COPG1: variants seen among roughly 807,000 people sequenced by gnomAD.
COPG1 encodes coat protein complex I subunit gamma 1.
A neutral mutation model predicts 102.8 loss-of-function variants in COPG1; 29 were observed. The ratio of observed to expected loss-of-function variants is 0.28; its 90% CI spans 0.21 to 0.38. The LOEUF (loss-of-function observed/expected upper bound fraction) is 0.38, where lower values mean the gene tolerates loss of function less well. Among genes scored for constraint, COPG1 ranks in the 10% least tolerant of loss-of-function variants. The pLI is 1.00. For missense variants in COPG1, 875 were observed against 1,132.7 expected, an observed-to-expected ratio of 0.77 and a Z score of 3.27; for synonymous variants, 406 against 421.6, an observed-to-expected ratio of 0.96 and a Z score of 0.45.
At position 129,257,614 on chromosome 3, in the gene COPG1, G is replaced by A. The variant is rs1939838440; in HGVS notation, c.724G>A (p.Glu242Lys). Reference protein sequence around the residue: ...MIRVASKQLEEEDGSRDSPLF... With the variant: ...MIRVASKQLEKEDGSRDSPLF... ...CCGGGTGGCCAGCAAGCAGCTGGAA[G>A]AGGAGGATGGCAGGTAACGGCTCTC... Residue 242 changes from glutamate (E) to lysine (K), a missense_variant, in exon 9 of 24, where the codon GAG becomes AAG. Glu to Lys is a moderately conservative substitution (Grantham distance 56, BLOSUM62 1). Transcript: ENST00000314797. 1.2e-6 allele frequency: 2 copies of A among 1,614,234 alleles called. No individual in the cohort carries two copies. Among genetic ancestry groups the A allele is most frequent in the Non-Finnish European group, 1.7e-6 (2 of 1,180,050 alleles).
rs759220825 is a variant in COPG1, at chr3:129,265,636, C to G, written c.1312C>G (p.His438Asp). The G allele has an allele frequency of 1.2e-6, 2 of 1,614,224 alleles. No individual in the cohort carries two copies. Among genetic ancestry groups the G allele is most frequent in the Non-Finnish European group, 8.5e-7 (1 of 1,180,038 alleles). Residue 438 changes from histidine (H) to aspartate (D), a missense_variant, in exon 14 of 24, where the codon CAT becomes GAT. Physicochemically the swap from His to Asp is moderately conservative, Grantham distance 81 (BLOSUM62 -1). Coordinates refer to ENST00000314797, the MANE Select transcript of COPG1 (RefSeq NM_016128.4). ...AGAGAGCAAGGAGACAGGGCTGTCACATCTGTGCGAGTTCATCGAGGACTG... is the reference window on the plus strand; with the variant it reads ...AGAGAGCAAGGAGACAGGGCTGTCAGATCTGTGCGAGTTCATCGAGGACTG... ...NSESKETGLSHLCEFIEDCEF... is the reference protein window; with the variant it reads ...NSESKETGLSDLCEFIEDCEF...
chr3:129,268,241 C>T (rs572941789), intron 16 of COPG1, among the ~76,000 whole-genome samples: 6 of 152,218 alleles, frequency 3.9e-5, no homozygotes, highest in African/African-American at 1.2e-4. Flanking sequence ...TGAATTGAAA[C>T]GCTCATCATT....
chr3:129,255,179 C>CTTT, intron 7 of COPG1, 102 bp downstream of exon 7: 4 of 610,202 alleles, frequency 6.6e-6, no homozygotes, highest in South Asian at 2.1e-5. Flanking sequence ...TTCTTTCTTT[C>CTTT]TTTTTTTTTT....
chr3:129,277,256 TCTG>T, intron 23 of COPG1, 35 bp from the exon 24 acceptor site: 1 of 1,611,382 alleles, frequency 6.2e-7, no homozygotes, highest in Non-Finnish European at 8.5e-7. Context: ...TACAGTCCCT[TCTG>T]CTGTATATAT....
intron 20 of COPG1, among the ~76,000 whole-genome samples, 157 bp downstream of exon 20, chr3:129,272,572 T>C (rs1207879126): frequency 2.0e-5 from 3 of 151,614 alleles, no homozygotes; most frequent in Non-Finnish European, 4.4e-5. Flanking sequence ...GTGCTCTTCT[T>C]TAAAAATTTT....
At position 129,274,847 on chromosome 3, in the gene COPG1, C is replaced by G; in HGVS notation, c.2266C>G (p.Leu756Val). ...ACCTCCATCTCTCCAGCTGGAAGATCTGGAAGTTACTGTAGCTGATCACAT... is the reference window on the plus strand; with the variant it reads ...ACCTCCATCTCTCCAGCTGGAAGATGTGGAAGTTACTGTAGCTGATCACAT... ...GYEDEYVLED[L>V]EVTVADHIQK... The change falls in exon 22 of 24, where the codon CTG becomes GTG. Residue 756 changes from leucine to valine, a missense_variant. By Grantham distance (32) the Leu-to-Val change is conservative. Transcript: ENST00000314797. 2 of 1,614,104 alleles carry G rather than the reference C, an allele frequency of 1.2e-6. No homozygotes were observed. Among genetic ancestry groups the G allele is most frequent in the Non-Finnish European group, 1.7e-6 (2 of 1,180,006 alleles).
At chr3:129,254,057 G>T (rs1334790250) in intron 5 of COPG1, among the ~76,000 whole-genome samples, 4 of 151,250 alleles carry the variant, frequency 2.6e-5, no homozygotes, top group Admixed American at 1.3e-4. Flanking sequence ...CCAGCAGTTT[G>T]GGAGGCCGAG....
At chr3:129,265,903 C>T in intron 14 of COPG1, 111 bp downstream of exon 14, 1 of 1,075,618 alleles carries the variant, frequency 9.3e-7, no homozygotes, top group South Asian at 1.6e-5. Flanking sequence ...GTTCTTGCTG[C>T]ACAAGCTGTT....
chr3:129,268,383 C>G, intron 16 of COPG1, 112 bp from the exon 17 acceptor site: 1 of 1,054,864 alleles, frequency 9.5e-7, no homozygotes, highest in African/African-American at 1.6e-5. Flanking sequence ...GTGATTTTCT[C>G]AGGGTCATAC....
At chr3:129,249,819 C>T (rs1939654567) in intron 1 of COPG1, 73 bp downstream of exon 1, 2 of 1,497,996 alleles carry the variant, frequency 1.3e-6, no homozygotes, top group Non-Finnish European at 1.8e-6. Context: ...GTTCTCTGTC[C>T]TGACCCGGAG....
chr3:129,256,905 G>A (rs916574726), intron 8 of COPG1, among the ~76,000 whole-genome samples: 6 of 152,264 alleles, frequency 3.9e-5, no homozygotes, highest in Non-Finnish European at 8.8e-5. Flanking sequence ...ATCGAGGACA[G>A]GAAATAACTA....
At chr3:129,270,650 G>A (rs1940165573) in intron 18 of COPG1, among the ~76,000 whole-genome samples, 1 of 152,118 alleles carries the variant, frequency 6.6e-6, no homozygotes, top group African/African-American at 2.4e-5. Flanking sequence ...AGGCTGCAGA[G>A]GGCTGAAGTG....
chr3:129,277,498 C>A lies in COPG1; in HGVS notation c.*74C>A. ...AGTTGTGCCTTCCTCATGAAACTGGCAGAAACCCCTTCCCAAGCTTCTGTA... is the reference window on the plus strand; with the variant it reads ...AGTTGTGCCTTCCTCATGAAACTGGAAGAAACCCCTTCCCAAGCTTCTGTA... On this transcript the variant is annotated 3_prime_UTR_variant, in exon 24 of 24. Transcript: ENST00000314797. The A allele has an allele frequency of 6.8e-7, 1 of 1,479,060 alleles. No homozygotes were observed. Among genetic ancestry groups the A allele is most frequent in the South Asian group, 1.2e-5 (1 of 84,502 alleles). 91.6% of individuals were successfully genotyped at this position (1,479,060 alleles called of 1,614,324 possible). A position where few individuals can be genotyped will look rare whatever the true frequency, so the allele number is the denominator to read the frequency against.
In COPG1 at chr3:129,277,599, G is replaced by A; in HGVS notation, c.*175G>A. 5.3e-6 allele frequency: 2 copies of A among 375,076 alleles called. No individual in the cohort carries two copies. The highest frequency in any genetic ancestry group is 9.0e-6 in the Non-Finnish European group (2 of 222,388). The allele number at this position is 375,076 out of a possible 1,614,324, so 23.2% of individuals were successfully genotyped here. ...CTCCCACCCGGGACTACTTGCTGGTGACTTTTTTTTTTTTTTTTTTTAAAT... is the reference window on the plus strand; with the variant it reads ...CTCCCACCCGGGACTACTTGCTGGTAACTTTTTTTTTTTTTTTTTTTAAAT... On this transcript the variant is annotated 3_prime_UTR_variant, in exon 24 of 24. Transcript: ENST00000314797.
chr3:129,253,045 G>A, intron 5 of COPG1, 90 bp downstream of exon 5: 2 of 1,169,604 alleles, frequency 1.7e-6, no homozygotes, highest in South Asian at 1.3e-5. Context: ...AGACTTGGTT[G>A]CATATTGCCA....
Position 129,265,530 on chromosome 3 carries a change from G to A in COPG1, c.1225-19G>A, listed in dbSNP as rs754843551. The A allele has an allele frequency of 1.2e-5, 19 of 1,613,166 alleles. No individual in the cohort carries two copies. In the South Asian group the frequency reaches 2.1e-4, roughly 18 times the overall value. ...CTGGAGAGAGCAGGCTCCTTGCTTAGCTCAGCTTCTCTCTGCAGGGTGGCT... is the reference window on the plus strand; with the variant it reads ...CTGGAGAGAGCAGGCTCCTTGCTTAACTCAGCTTCTCTCTGCAGGGTGGCT... On this transcript the variant is annotated intron_variant, in intron 13 of 23. Coordinates refer to ENST00000314797, the MANE Select transcript of COPG1 (RefSeq NM_016128.4).
Position 129,252,367 on chromosome 3 carries a change from A to G in COPG1, c.171+6A>G, listed in dbSNP as rs201775145. On this transcript the variant is annotated splice_donor_region_variant and intron_variant, in intron 3 of 23. Coordinates refer to ENST00000314797, the MANE Select transcript of COPG1 (RefSeq NM_016128.4). Reference sequence around the variant, plus strand: ...TTCTTTATCTCATAAACCAGGTAACAGGGTGAAGCTTGCGGGTAGGGAGAA... The same window carrying G: ...TTCTTTATCTCATAAACCAGGTAACGGGGTGAAGCTTGCGGGTAGGGAGAA... The G allele has an allele frequency of 6.8e-5, 109 of 1,598,792 alleles. No homozygotes were observed. In the African/African-American group the frequency reaches 1.0e-3, roughly 15 times the overall value.
chr3:129,252,513 T>C, intron 3 of COPG1, 110 bp from the exon 4 acceptor site: 2 of 1,061,112 alleles, frequency 1.9e-6, no homozygotes, highest in Non-Finnish European at 2.9e-6. Flanking sequence ...AAGTCTCATA[T>C]GTTGCCCTTG....
chr3:129,260,116 C>T (rs1939894508), intron 10 of COPG1: 8 of 583,954 alleles, frequency 1.4e-5, no homozygotes, highest in Non-Finnish European at 2.5e-5. Flanking sequence ...CAGTGAATAA[C>T]AGCCCTCACT....
Sources: allele counts gnomAD v4.1 joint callset (sites outside exome capture counted in the v4.1 genomes callset), GRCh38; gene constraint gnomAD v4.1.1; transcripts MANE v1.5; gene names NCBI Gene and HGNC (gene_info 2026-07-23, HGNC 2026-07-21).